The following ABCC2 variants were observed in gnomAD, a reference collection of about 807,000 sequenced individuals.
ABCC2 encodes ATP-binding cassette sub-family C member 2.
In ABCC2, 157 loss-of-function variants were observed where a neutral mutation model predicts 173.4. The ratio of observed to expected loss-of-function variants is 0.91; its 90% CI spans 0.80 to 1.03. The LOEUF (loss-of-function observed/expected upper bound fraction) is 1.03, where lower values mean the gene tolerates loss of function less well. ABCC2 is among the 50% of genes least tolerant of loss of function. ABCC2 has a pLI of 0.00. For synonymous variants in ABCC2, 657 were observed against 693.5 expected (o/e 0.95, Z 0.83); for missense variants, 1,822 against 1,852.3 (o/e 0.98, Z 0.30).
In ABCC2 at chr10:99,792,163, G is replaced by A. The variant is rs138413796; in HGVS notation, c.208-71G>A. 389 of 1,600,402 alleles carry A rather than the reference G, an allele frequency of 2.4e-4. 4 individuals carry two copies. The African/African-American group carries it at 3.3e-3, about 14-fold the overall frequency. On this transcript the variant is annotated intron_variant, in intron 2 of 31. Transcript: ENST00000647814. ...CATACCGCTTTTCCTATCCATCACC[G>A]GAAACCATTCTGTTCTAAGAGCCTT...
chr10:99,844,576 G>T, intron 28 of ABCC2, 111 bp downstream of exon 28: 1 of 1,430,364 alleles, frequency 7.0e-7, no homozygotes, highest in Non-Finnish European at 9.7e-7. Flanking sequence ...GGAGGGAAAG[G>T]GTCAGGGCAC....
chr10:99,824,980 G>C lies in ABCC2; in HGVS notation c.2621-5327G>C, dbSNP rs376682119. Among the ~76,000 whole-genome samples, 109 of 97,978 alleles carry C rather than the reference G, an allele frequency of 1.1e-3. No individual in the cohort carries two copies. The Middle Eastern group carries it at 0.013, about 12-fold the overall frequency. The allele number at this position is 97,978 out of a possible 152,430, so 64.3% of individuals were successfully genotyped here. A position where few individuals can be genotyped will look rare whatever the true frequency, so the allele number is the denominator to read the frequency against. ...GGTTTTTCTGTTTTCCAAGTTAATG[G>C]TATGGGTTTAGGAGGCTCTACAGTG... is the stretch of plus-strand genomic sequence containing the variant. On this transcript the variant is annotated intron_variant, in intron 19 of 31. Coordinates refer to ENST00000647814, the MANE Select transcript of ABCC2 (RefSeq NM_000392.5).
chr10:99,784,820 G>A (rs757689908), intron 2 of ABCC2, 39 bp downstream of exon 2: 2 of 1,606,206 alleles, frequency 1.2e-6, no homozygotes, highest in African/African-American at 1.3e-5. Context: ...CTAATTCCTT[G>A]GTGCACAGTA....
chr10:99,797,158 G>C lies in ABCC2; in HGVS notation c.694G>C (p.Glu232Gln). The C allele has an allele frequency of 1.9e-6, 3 of 1,614,172 alleles. No homozygotes were observed. The highest frequency in any genetic ancestry group is 1.7e-4 in the Middle Eastern group (1 of 6,060). ...CGAGGATGTCTGGGAAGTTGATGAAGAGATGAAAACCAAGACATTAGTGAG... is the reference window on the plus strand; with the variant it reads ...CGAGGATGTCTGGGAAGTTGATGAACAGATGAAAACCAAGACATTAGTGAG... The part of the protein sequence containing the change: ...TLEDVWEVDE[E>Q]MKTKTLVSKF... The change falls in exon 7 of 32, where the codon GAG (glutamate) becomes CAG (glutamine). Residue 232 changes from glutamate to glutamine, a missense_variant. Physicochemically the swap from Glu to Gln is conservative, Grantham distance 29 (BLOSUM62 2). Transcript: ENST00000647814.
chr10:99,831,458 A>G (rs1472721871), intron 21 of ABCC2, among the ~76,000 whole-genome samples, 153 bp from the exon 22 acceptor site: 1 of 152,196 alleles, frequency 6.6e-6, no homozygotes, highest in Non-Finnish European at 1.5e-5. Context: ...TTCCTGGCAC[A>G]GTGCAGAAAT....
At chr10:99,805,494 A>G (rs1442238053) in intron 11 of ABCC2, 47 bp downstream of exon 11, 4 of 1,580,480 alleles carry the variant, frequency 2.5e-6, no homozygotes, top group East Asian at 2.2e-5. Flanking sequence ...GGACAGAAGC[A>G]GTGGCTCTCT....
At chr10:99,791,799 A>T (rs777178431) in intron 2 of ABCC2, among the ~76,000 whole-genome samples, 3 of 152,220 alleles carry the variant, frequency 2.0e-5, no homozygotes, top group Non-Finnish European at 4.4e-5. Flanking sequence ...CTGGACTGGT[A>T]GCTTTCTCCA....
intron 25 of ABCC2, 115 bp from the exon 26 acceptor site, chr10:99,841,852 A>G (rs1328928702): frequency 4.9e-6 from 7 of 1,435,278 alleles, no homozygotes; most frequent in Non-Finnish European, 6.8e-6. Flanking sequence ...GCATTGCCTA[A>G]GAGTGCGGCC....
chr10:99,827,550 TTAA>T (rs2038665711), intron 19 of ABCC2, among the ~76,000 whole-genome samples: 1 of 152,120 alleles, frequency 6.6e-6, no homozygotes, highest in Non-Finnish European at 1.5e-5. Context: ...TAAAGCTGCT[TTAA>T]TAATGGCCCA....
At chr10:99,837,136 C>G (rs1304487019) in intron 25 of ABCC2, among the ~76,000 whole-genome samples, 1 of 111,188 alleles carries the variant, frequency 9.0e-6, no homozygotes, top group Non-Finnish European at 1.8e-5. Context: ...TTGAGAAAGT[C>G]CTTTTTTTTT....
At chr10:99,821,665 G>A (rs1416487430) in intron 19 of ABCC2, among the ~76,000 whole-genome samples, 4 of 152,168 alleles carry the variant, frequency 2.6e-5, no homozygotes, top group Non-Finnish European at 5.9e-5. Context: ...CAGAGAGCAC[G>A]GGGTTGGGGG....
At chr10:99,809,652 C>G (rs1017179747) in intron 13 of ABCC2, among the ~76,000 whole-genome samples, 1 of 152,192 alleles carries the variant, frequency 6.6e-6, no homozygotes, top group Admixed American at 6.5e-5. Flanking sequence ...GGTATTCTGC[C>G]AACACTTACC....
At chr10:99,846,908 G>T (rs1337333061) in intron 29 of ABCC2, 53 bp from the exon 30 acceptor site, 7 of 1,609,624 alleles carry the variant, frequency 4.3e-6, no homozygotes, top group Non-Finnish European at 6.0e-6. Context: ...GAGGAACTCC[G>T]AGGTCCTTTT....
chr10:99,814,737 GTGTATATGTA>G (rs1442052816), intron 16 of ABCC2, among the ~76,000 whole-genome samples: 1 of 142,778 alleles, frequency 7.0e-6, no homozygotes, highest in Non-Finnish European at 1.5e-5. Context: ...GTGTGTGTAT[GTGTATATGTA>G]TGTATATACA....
intron 19 of ABCC2, among the ~76,000 whole-genome samples, chr10:99,825,633 G>A (rs1038608886): frequency 5.3e-5 from 8 of 152,216 alleles, no homozygotes; most frequent in African/African-American, 1.9e-4. Context: ...ATAACCAACT[G>A]AATTTCGCCT....
intron 8 of ABCC2, 135 bp downstream of exon 8, chr10:99,799,505 C>T (rs1197384978): frequency 9.4e-7 from 1 of 1,065,314 alleles, no homozygotes; most frequent in Non-Finnish European, 1.4e-6. Context: ...CCACCTTAAC[C>T]TTACAGCATT....
intron 21 of ABCC2, 100 bp downstream of exon 21, chr10:99,830,951 A>G (rs1381306963): frequency 6.8e-6 from 9 of 1,325,678 alleles, no homozygotes; most frequent in African/African-American, 4.4e-5. Context: ...TACAGGAGCA[A>G]TATGTCCTCT....
chr10:99,845,574 T>TC lies in ABCC2; in HGVS notation c.3988-46dup, dbSNP rs777191150. 3 of 1,611,020 alleles carry TC rather than the reference T, an allele frequency of 1.9e-6. No individual in the cohort carries two copies. In the Admixed American group the frequency reaches 5.0e-5, roughly 27 times the overall value. Reference sequence around the variant, plus strand: ...GTGAATGCCCAGGCTAAATAACTTTTCCCCAAGAATTATTTGTGGAACTAA... The same window carrying TC: ...GTGAATGCCCAGGCTAAATAACTTTTCCCCCAAGAATTATTTGTGGAACTAA... On this transcript the variant is annotated intron_variant, in intron 28 of 31. Transcript: ENST00000647814.
chr10:99,830,196 TG>T, intron 19 of ABCC2, 110 bp from the exon 20 acceptor site: 1 of 1,285,474 alleles, frequency 7.8e-7, no homozygotes, highest in Non-Finnish European at 1.1e-6. Context: ...TATGTACATC[TG>T]GGATCCCTTG....
Sources: gnomAD v4.1 joint callset for allele counts (sites outside exome capture counted in the v4.1 genomes callset) on GRCh38, gnomAD v4.1.1 for gene constraint, MANE v1.5 for transcripts, NCBI Gene and HGNC (gene_info 2026-07-23, HGNC 2026-07-21) for gene names.